The following ATP8A1 variants were observed in gnomAD, a reference collection of about 807,000 sequenced individuals.
ATP8A1 encodes phospholipid-transporting ATPase IA.
Under a neutral mutation model 177.7 loss-of-function variants are expected in ATP8A1, and 90 were observed. The ratio of observed to expected loss-of-function variants is 0.51; its 90% confidence interval spans 0.43 to 0.60. ATP8A1 has a LOEUF of 0.60. Ranked by LOEUF, ATP8A1 falls within the 20% of genes least tolerant of loss-of-function variation. The pLI is 0.00. For missense variants in ATP8A1, 1,072 were observed against 1,392.8 expected (o/e 0.77, Z 3.67); for synonymous variants, 493 against 485.9 (o/e 1.01, Z -0.19).
At chr4:42,536,076 C>G (rs1468843578) in intron 20 of ATP8A1, among the ~76,000 whole-genome samples, 2 of 152,048 alleles carry the variant, frequency 1.3e-5, no homozygotes, top group African/African-American at 2.4e-5. Context: ...AGCAAACCAA[C>G]CCCAAACCCA....
chr4:42,508,903 T>C (rs971074321), intron 22 of ATP8A1, among the ~76,000 whole-genome samples: 5 of 152,256 alleles, frequency 3.3e-5, no homozygotes, highest in Admixed American at 1.3e-4. Context: ...TTCACCAAAA[T>C]TGAAGTCTAA....
At position 42,414,687 on chromosome 4, in the gene ATP8A1, C is replaced by T. The variant is rs373678420; in HGVS notation, c.3337G>A (p.Val1113Ile). 6.2e-6 allele frequency: 10 copies of T among 1,613,728 alleles called. No individual in the cohort carries two copies. The highest frequency in any genetic ancestry group is 2.7e-5 in the African/African-American group (2 of 74,862). Residue 1113 changes from valine to isoleucine, a missense_variant, in exon 36 of 37, where the codon GTC becomes ATC. Val to Ile is a conservative substitution (Grantham distance 29, BLOSUM62 3). Transcript: ENST00000381668. Reference sequence around the variant, plus strand: ...AAGTTCACGTGGTTCTTCTTAAAGACGTTCTTGAGCAGTTGCGCCCTCTCG... The same window carrying T: ...AAGTTCACGTGGTTCTTCTTAAAGATGTTCTTGAGCAGTTGCGCCCTCTCG... ...LTERAQLLKN[V>I]FKKNHVNLYR...
chr4:42,584,112 C>T (rs1428124273), intron 9 of ATP8A1, among the ~76,000 whole-genome samples: 4 of 152,210 alleles, frequency 2.6e-5, no homozygotes, highest in African/African-American at 7.2e-5. Context: ...AATTCAAACA[C>T]TCTAATAATG....
intron 4 of ATP8A1, among the ~76,000 whole-genome samples, chr4:42,622,944 G>A (rs548166174): frequency 1.5e-4 from 23 of 151,164 alleles, no homozygotes; most frequent in Non-Finnish European, 2.8e-4. Context: ...GGGAGGTGGA[G>A]GTTGCAGTGA....
rs765052178 is a variant in ATP8A1 at position 42,590,928 on chromosome 4, AATG to A, written c.451-47_451-45del. On this transcript the variant is annotated intron_variant, in intron 6 of 36. Coordinates refer to ENST00000381668, the MANE Select transcript of ATP8A1 (RefSeq NM_006095.2). ...AATAATTAAAATGGCCAAAAAAAAA[AATG>A]AACAGAGGAAAAAAAACAAACAAAT... The A allele has an allele frequency of 2.3e-5, 35 of 1,538,012 alleles. No individual in the cohort carries two copies. In the African/African-American group the frequency reaches 4.1e-4, roughly 18 times the overall value.
At chr4:42,530,525 T>C (rs1727158929) in intron 20 of ATP8A1, among the ~76,000 whole-genome samples, 1 of 152,200 alleles carries the variant, frequency 6.6e-6, no homozygotes, top group Non-Finnish European at 1.5e-5. Context: ...GGCTCATGCA[T>C]CCACTGTCAC....
At chr4:42,503,655 G>A in intron 23 of ATP8A1, 141 bp from the exon 24 acceptor site, 2 of 566,794 alleles carry the variant, frequency 3.5e-6, no homozygotes, top group East Asian at 3.2e-5. Flanking sequence ...CAGGTTTGTA[G>A]GAAGTTAAAC....
intron 21 of ATP8A1, among the ~76,000 whole-genome samples, chr4:42,524,004 T>A (rs551549842): frequency 6.6e-6 from 1 of 152,170 alleles, no homozygotes; most frequent in Non-Finnish European, 1.5e-5. Flanking sequence ...CTGAAACAGA[T>A]AGGAGTGAAA....
chr4:42,413,869 G>A (rs193128618), intron 36 of ATP8A1, among the ~76,000 whole-genome samples: 194 of 152,324 alleles, frequency 1.3e-3, no homozygotes, highest in Non-Finnish European at 2.5e-3. Flanking sequence ...CGAGGAGGAG[G>A]AGATAAACAC....
At chr4:42,451,438 C>A (rs1045219355) in intron 30 of ATP8A1, among the ~76,000 whole-genome samples, 2 of 152,170 alleles carry the variant, frequency 1.3e-5, no homozygotes, top group Non-Finnish European at 2.9e-5. Flanking sequence ...TATTTAATGA[C>A]TTTTATGTGT....
At chr4:42,560,321 A>G (rs1730688296) in intron 15 of ATP8A1, among the ~76,000 whole-genome samples, 2 of 152,136 alleles carry the variant, frequency 1.3e-5, no homozygotes, top group Admixed American at 1.3e-4. Context: ...GGAGGGGATC[A>G]AAACCTTTTC....
chr4:42,440,646 T>G (rs1057175052), intron 33 of ATP8A1, among the ~76,000 whole-genome samples: 3 of 152,176 alleles, frequency 2.0e-5, no homozygotes, highest in Non-Finnish European at 4.4e-5. Flanking sequence ...AATATATATA[T>G]AGTCCTTACA....
intron 24 of ATP8A1, among the ~76,000 whole-genome samples, chr4:42,495,928 C>T (rs141416470): frequency 1.2e-4 from 18 of 152,154 alleles, no homozygotes; most frequent in East Asian, 7.7e-4. Context: ...TTTCCCAGGA[C>T]GGGGGTAGAT....
At chr4:42,625,803 G>A in intron 2 of ATP8A1, 90 bp from the exon 3 acceptor site, 1 of 629,758 alleles carries the variant, frequency 1.6e-6, no homozygotes, top group Non-Finnish European at 2.6e-6. Context: ...TAAAAAGTTA[G>A]ATAAGGAACA....
intron 8 of ATP8A1, among the ~76,000 whole-genome samples, chr4:42,587,099 A>G (rs6847888): frequency 0.016 from 2,444 of 152,252 alleles, 59 homozygotes; most frequent in African/African-American, 0.049. Context: ...AACTTTAAAA[A>G]CTTTACAGTT....
At chr4:42,559,621 ATTGT>A (rs1730604091) in intron 15 of ATP8A1, among the ~76,000 whole-genome samples, 2 of 152,244 alleles carry the variant, frequency 1.3e-5, no homozygotes, top group Non-Finnish European at 2.9e-5. Flanking sequence ...AGGAATTTAT[ATTGT>A]TTAACTGGTA....
chr4:42,563,024 G>A (rs114866349), intron 15 of ATP8A1, among the ~76,000 whole-genome samples: 22,903 of 152,176 alleles, frequency 0.15, 2,133 homozygotes, highest in East Asian at 0.32. Context: ...AAAGATACCC[G>A]AAAATGTGGA....
chr4:42,549,706 G>C (rs978700299), intron 18 of ATP8A1, among the ~76,000 whole-genome samples: 10 of 152,106 alleles, frequency 6.6e-5, no homozygotes, highest in African/African-American at 1.9e-4. Context: ...GGCTGAGGCA[G>C]GAGGGTCACT....
intron 10 of ATP8A1, among the ~76,000 whole-genome samples, chr4:42,580,586 A>C (rs1732933453): frequency 6.6e-6 from 1 of 152,254 alleles, no homozygotes; most frequent in Non-Finnish European, 1.5e-5. Flanking sequence ...CATAGAACAG[A>C]AAATTAAATG....
Sources: allele counts gnomAD v4.1 joint callset (sites outside exome capture counted in the v4.1 genomes callset), GRCh38; gene constraint gnomAD v4.1.1; transcripts MANE v1.5; gene names NCBI Gene and HGNC (gene_info 2026-07-23, HGNC 2026-07-21).